PAX7: variants seen among roughly 807,000 people sequenced by gnomAD.
PAX7 encodes paired box protein Pax-7.
A neutral mutation model predicts 50.7 loss-of-function variants in PAX7; 18 were observed. The ratio of observed to expected loss-of-function variants is 0.36; its 90% confidence interval spans 0.25 to 0.53. The LOEUF (loss-of-function observed/expected upper bound fraction) is 0.53. Ranked by LOEUF, PAX7 falls within the 20% of genes least tolerant of loss-of-function variation. PAX7 has a pLI of 0.93. For synonymous variants in PAX7, 310 were observed against 290.4 expected (o/e 1.07, Z -0.69); for missense variants, 644 against 702.9 (o/e 0.92, Z 0.95).
At chr1:18,657,632 ACTTAAAGGGAAGCAGAATTCAGGGGCC>A (rs2088541642) in intron 4 of PAX7, among the ~76,000 whole-genome samples, 1 of 152,110 alleles carries the variant, frequency 6.6e-6, no homozygotes, top group Non-Finnish European at 1.5e-5. Flanking sequence ...GCCCAGGGAC[ACTTAAAGGGAAGCAGAATTCAGGGGCC>A]CGATGAATAG....
intron 7 of PAX7, among the ~76,000 whole-genome samples, chr1:18,727,293 AAC>A (rs2089584541): frequency 2.0e-5 from 3 of 147,204 alleles, no homozygotes; most frequent in East Asian, 4.1e-4. Flanking sequence ...AAGTTGCATG[AAC>A]ACACAGTACT....
At chr1:18,646,362 T>G (rs905054681) in intron 4 of PAX7, among the ~76,000 whole-genome samples, 1 of 152,084 alleles carries the variant, frequency 6.6e-6, no homozygotes, top group African/African-American at 2.4e-5. Context: ...AGGCAATTAC[T>G]GCTGTAAATG....
intron 4 of PAX7, among the ~76,000 whole-genome samples, chr1:18,647,102 A>C (rs1394441128): frequency 6.6e-6 from 1 of 151,752 alleles, no homozygotes; most frequent in Non-Finnish European, 1.5e-5. Context: ...CACAAAACCC[A>C]CAACAAAACC....
In PAX7 at chr1:18,671,978, T is replaced by TA. The variant is rs879442415; in HGVS notation, c.587-19764dup. 7.1e-4 allele frequency among the ~76,000 whole-genome samples: 102 copies of TA among 143,834 alleles called. 2 individuals are homozygous for TA. The highest frequency in any genetic ancestry group is 9.4e-4 in the African/African-American group (37 of 39,292). The allele number at this position is 143,834 out of a possible 152,430, so 94.4% of individuals were successfully genotyped here. ...GGTGACAGAACAAGACCCTGTCTCT[T>TA]AAAAAAAAAAAAGTAAATAAATAAC... On this transcript the variant is annotated intron_variant, in intron 4 of 8. Coordinates refer to ENST00000420770, the MANE Select transcript of PAX7 (RefSeq NM_001135254.2).
At chr1:18,673,918 G>A (rs61760716) in intron 4 of PAX7, among the ~76,000 whole-genome samples, 7 of 152,202 alleles carry the variant, frequency 4.6e-5, no homozygotes, top group African/African-American at 7.2e-5. Context: ...GTCAGTCCTC[G>A]ACCTCTTGGA....
intron 4 of PAX7, among the ~76,000 whole-genome samples, chr1:18,683,396 G>A (rs762737447): frequency 9.4e-5 from 14 of 148,948 alleles, no homozygotes; most frequent in South Asian, 2.1e-4. Flanking sequence ...TTTATGTGCC[G>A]TAAGATACCA....
rs571011087 is a variant in PAX7, at chr1:18,665,457, C to A, written c.587-26297C>A. 7.9e-5 allele frequency among the ~76,000 whole-genome samples: 12 copies of A among 152,222 alleles called. No individual in the cohort carries two copies. The East Asian group carries it at 2.3e-3, about 29-fold the overall frequency. On this transcript the variant is annotated intron_variant, in intron 4 of 8. Coordinates refer to ENST00000420770, the MANE Select transcript of PAX7 (RefSeq NM_001135254.2). ...GTGGCACGATCTCGGCTCACCGCAA[C>A]CTCCACCTCCCTAGTTCAAGCAATT...
At chr1:18,633,463 G>A (rs571089190) in intron 1 of PAX7, among the ~76,000 whole-genome samples, 1 of 152,184 alleles carries the variant, frequency 6.6e-6, no homozygotes, top group Non-Finnish European at 1.5e-5. Context: ...ACCCCCACCC[G>A]GGGGGACTGT....
chr1:18,687,648 CACAA>C (rs2088997189), intron 4 of PAX7, among the ~76,000 whole-genome samples: 1 of 152,026 alleles, frequency 6.6e-6, no homozygotes, highest in South Asian at 2.1e-4. Context: ...GGGTTGAAGT[CACAA>C]ACAAACTGCA....
At chr1:18,686,932 C>T (rs1338554002) in intron 4 of PAX7, among the ~76,000 whole-genome samples, 6 of 149,496 alleles carry the variant, frequency 4.0e-5, no homozygotes, top group African/African-American at 1.5e-4. Context: ...GCTCTGTTGC[C>T]CTGGGGGACA....
intron 4 of PAX7, among the ~76,000 whole-genome samples, chr1:18,653,095 G>A (rs1035297087): frequency 1.3e-5 from 2 of 152,100 alleles, no homozygotes; most frequent in African/African-American, 4.8e-5. Context: ...AGGGTCCTTT[G>A]TCCTGGGGAA....
intron 4 of PAX7, among the ~76,000 whole-genome samples, chr1:18,680,589 A>C (rs9439719): frequency 0.18 from 27,345 of 152,054 alleles, 3,401 homozygotes; most frequent in Non-Finnish European, 0.26. Context: ...GCAGATTCCG[A>C]ACTCAAACCC....
intron 4 of PAX7, among the ~76,000 whole-genome samples, chr1:18,642,450 A>T (rs930620921): frequency 6.6e-6 from 1 of 152,202 alleles, no homozygotes; most frequent in Non-Finnish European, 1.5e-5. Context: ...GGTTCTCTAG[A>T]GGCTCTGGGG....
intron 4 of PAX7, among the ~76,000 whole-genome samples, chr1:18,667,495 C>T (rs558276414): frequency 3.3e-5 from 5 of 152,058 alleles, no homozygotes; most frequent in East Asian, 1.9e-4. Flanking sequence ...CCGGTAAAAG[C>T]GGATCTTTCC....
chr1:18,642,021 G>T (rs1428425675), intron 4 of PAX7, among the ~76,000 whole-genome samples: 4 of 148,514 alleles, frequency 2.7e-5, no homozygotes, highest in African/African-American at 1.0e-4. Flanking sequence ...GAATTTACAT[G>T]GAAGGATTTA....
intron 4 of PAX7, among the ~76,000 whole-genome samples, chr1:18,659,833 A>T (rs2088574841): frequency 6.6e-6 from 1 of 152,186 alleles, no homozygotes; most frequent in Non-Finnish European, 1.5e-5. Context: ...GTAAGGATCA[A>T]TCCCGTAGGT....
intron 4 of PAX7, among the ~76,000 whole-genome samples, chr1:18,657,720 T>C (rs763729702): frequency 2.6e-5 from 4 of 152,132 alleles, no homozygotes; most frequent in Admixed American, 6.5e-5. Context: ...TGGTGGTGTG[T>C]TCTTTTTCCC....
At chr1:18,702,961 A>T in intron 6 of PAX7, 133 bp from the exon 7 acceptor site, 1 of 793,780 alleles carries the variant, frequency 1.3e-6, no homozygotes, top group South Asian at 1.8e-5. Flanking sequence ...CCCAGGTAGC[A>T]TGAGAGGGTG....
intron 7 of PAX7, among the ~76,000 whole-genome samples, chr1:18,704,566 G>A (rs1270617877): frequency 6.6e-6 from 1 of 152,114 alleles, no homozygotes; most frequent in Non-Finnish European, 1.5e-5. Flanking sequence ...GTTGCAGTGA[G>A]CCAAGATTGC....
Sources: gnomAD v4.1 joint callset for allele counts (sites outside exome capture counted in the v4.1 genomes callset) on GRCh38, gnomAD v4.1.1 for gene constraint, MANE v1.5 for transcripts, NCBI Gene and HGNC (gene_info 2026-07-23, HGNC 2026-07-21) for gene names.